Variants in PREP observed in about 807,000 individuals in gnomAD.
PREP encodes the protein dJ355L5.1 (prolyl endopeptidase).
PREP carries 29 observed loss-of-function variants against 87.6 expected under a neutral mutation model. The ratio of observed to expected loss-of-function variants is 0.33; its 90% CI spans 0.25 to 0.45. The LOEUF (loss-of-function observed/expected upper bound fraction) is 0.45, where lower values mean the gene tolerates loss of function less well. PREP is among the 20% of genes least tolerant of loss of function. The probability of loss-of-function intolerance (pLI) is 1.00; values close to 1 mark genes in which losing one functional copy is unlikely to be tolerated. For synonymous variants in PREP, 337 were observed against 328.6 expected, an observed-to-expected ratio of 1.03 and a Z score of -0.28; for missense variants, 695 against 886.5, an observed-to-expected ratio of 0.78 and a Z score of 2.74.
At chr6:105,295,698 A>G (rs918708468) in intron 10 of PREP, among the ~76,000 whole-genome samples, 1 of 152,170 alleles carries the variant, frequency 6.6e-6, no homozygotes, top group African/African-American at 2.4e-5. Context: ...TATATGTTCA[A>G]ATACACATAG....
intron 14 of PREP, chr6:105,280,836 T>C (rs1358806134): frequency 6.6e-6 from 1 of 152,354 alleles, no homozygotes; most frequent in African/African-American, 2.4e-5. Context: ...CCCAAAGTGC[T>C]GGGATCACAG....
intron 9 of PREP, among the ~76,000 whole-genome samples, chr6:105,324,809 A>T (rs1232154636): frequency 6.6e-6 from 1 of 152,326 alleles, no homozygotes; most frequent in South Asian, 2.1e-4. Flanking sequence ...CCCGACCGGA[A>T]AGGAGTAATA....
intron 6 of PREP, among the ~76,000 whole-genome samples, chr6:105,365,390 C>T (rs1772359858): frequency 6.6e-6 from 1 of 152,190 alleles, no homozygotes; most frequent in African/African-American, 2.4e-5. Context: ...GCTTCTTGGA[C>T]TCCCCTGGCT....
chr6:105,392,626 G>C (rs1310428072), intron 2 of PREP, among the ~76,000 whole-genome samples: 1 of 152,040 alleles, frequency 6.6e-6, no homozygotes, highest in Non-Finnish European at 1.5e-5. Context: ...ACCTAGGCTG[G>C]AGTACAGTGA....
intron 4 of PREP, among the ~76,000 whole-genome samples, chr6:105,375,677 A>G (rs1404604904): frequency 6.6e-6 from 1 of 152,252 alleles, no homozygotes; most frequent in Non-Finnish European, 1.5e-5. Context: ...CTAGATTTTT[A>G]AAACTCTAAT....
In PREP at chr6:105,275,049, T is replaced by C. The variant is rs1390209324; in HGVS notation, c.*3095A>G. On this transcript the variant is annotated 3_prime_UTR_variant, in exon 15 of 15. Transcript: ENST00000652536. ...CCTTCAGCCCCTGAGATATGGAGGA[T>C]GAGAATGGCTCAATGTTCCTCCTTC... is the stretch of plus-strand genomic sequence containing the variant. 6.6e-6 allele frequency among the ~76,000 whole-genome samples: 1 copy of C among 152,076 alleles called. No individual in the cohort carries two copies. The highest frequency in any genetic ancestry group is 1.5e-5 in the Non-Finnish European group (1 of 68,014).
intron 10 of PREP, among the ~76,000 whole-genome samples, chr6:105,301,829 A>T (rs1191043064): frequency 6.6e-6 from 1 of 152,150 alleles, no homozygotes; most frequent in Non-Finnish European, 1.5e-5. Context: ...GAAATTCACC[A>T]GCTCTCTAAG....
intron 2 of PREP, among the ~76,000 whole-genome samples, chr6:105,395,416 T>G (rs1018523918): frequency 6.6e-6 from 1 of 152,208 alleles, no homozygotes; most frequent in Non-Finnish European, 1.5e-5. Flanking sequence ...ACAACATATT[T>G]AATCACTCAG....
chr6:105,328,627 T>C (rs1771234945), intron 9 of PREP, among the ~76,000 whole-genome samples: 1 of 152,222 alleles, frequency 6.6e-6, no homozygotes, highest in African/African-American at 2.4e-5. Flanking sequence ...GAATATAAGA[T>C]TAATGAGAGT....
chr6:105,374,725 ATT>A (rs60151207), intron 4 of PREP, among the ~76,000 whole-genome samples: 35,037 of 140,858 alleles, frequency 0.25, 6,406 homozygotes, highest in African/African-American at 0.51. Context: ...TAAATAAAAC[ATT>A]TTGATTTGAA....
At chr6:105,334,815 C>A (rs565311061) in intron 7 of PREP, among the ~76,000 whole-genome samples, 49 of 152,288 alleles carry the variant, frequency 3.2e-4, no homozygotes, top group African/African-American at 1.2e-3. Flanking sequence ...TCACTGCAAC[C>A]TCCAACTCCT....
chr6:105,295,157 C>CTTTTT (rs10586996), intron 10 of PREP, among the ~76,000 whole-genome samples: 20 of 132,626 alleles, frequency 1.5e-4, no homozygotes, highest in African/African-American at 4.6e-4. Flanking sequence ...CAATGTTTTC[C>CTTTTT]TTTTTTTTTT....
chr6:105,375,909 C>G (rs189866171), intron 4 of PREP, among the ~76,000 whole-genome samples: 5 of 152,222 alleles, frequency 3.3e-5, no homozygotes, highest in African/African-American at 4.8e-5. Flanking sequence ...TTTTCCAGTT[C>G]TGCTTCATGC....
intron 2 of PREP, among the ~76,000 whole-genome samples, chr6:105,389,220 T>C (rs569196127): frequency 6.6e-6 from 1 of 152,366 alleles, no homozygotes; most frequent in Admixed American, 6.5e-5. Context: ...GATTTTTACA[T>C]ACATTTTCTC....
At chr6:105,373,678 G>C (rs1772616077) in intron 4 of PREP, 100 bp from the exon 5 acceptor site, 1 of 1,174,160 alleles carries the variant, frequency 8.5e-7, no homozygotes, top group African/African-American at 1.5e-5. Flanking sequence ...CACGGAGGTA[G>C]AATGTGGCAA....
At chr6:105,332,810 T>G (rs539900137) in intron 8 of PREP, among the ~76,000 whole-genome samples, 1 of 152,358 alleles carries the variant, frequency 6.6e-6, no homozygotes, top group African/African-American at 2.4e-5. Context: ...AAGAGGTTAA[T>G]GTAGTTCACT....
In PREP at chr6:105,278,723, T is replaced by C. The variant is rs1164485259; in HGVS notation, c.1839-285A>G. Among the ~76,000 whole-genome samples, 1 of 152,168 alleles carries C rather than the reference T, an allele frequency of 6.6e-6. No homozygotes were observed. The highest frequency in any genetic ancestry group is 2.4e-5 in the African/African-American group (1 of 41,448). The stretch of plus-strand genomic sequence containing the variant: ...CAGGCATGCTTACTGTCTCTTAAGG[T>C]GAGTAGTTTCATATTCTCTAGGCTT... On this transcript the variant is annotated intron_variant, in intron 14 of 14. Transcript: ENST00000652536. The surrounding 1 kb of genome is among the most constrained non-coding windows in gnomAD (Gnocchi z 4.2).
chr6:105,355,007 G>A (rs1278637252), intron 6 of PREP, among the ~76,000 whole-genome samples: 1 of 151,444 alleles, frequency 6.6e-6, no homozygotes, highest in Non-Finnish European at 1.5e-5. Context: ...CATAAATATG[G>A]AATTATGTAG....
In PREP at chr6:105,278,141, T is replaced by C. The variant is rs754468036; in HGVS notation, c.*3A>G. On this transcript the variant is annotated 3_prime_UTR_variant, in exon 15 of 15. Coordinates refer to ENST00000652536, the MANE Select transcript of PREP (RefSeq NM_002726.5). The surrounding 1 kb of genome is among the most constrained non-coding windows in gnomAD (Gnocchi z 4.2). ...CGCTGTCAGGAGGAAGCACGAAAAC[T>C]GTTTATGGAATCCAGTCGACGTTCA... 3 of 1,605,022 alleles carry C rather than the reference T, an allele frequency of 1.9e-6. No individual in the cohort carries two copies. The highest frequency in any genetic ancestry group is 4.5e-5 in the East Asian group (2 of 44,680).
Sources: gnomAD v4.1 joint callset for allele counts (sites outside exome capture counted in the v4.1 genomes callset) on GRCh38, gnomAD v4.1.1 for gene constraint, Gnocchi (gnomAD v3.1) non-coding constraint, MANE v1.5 for transcripts, NCBI Gene and HGNC (gene_info 2026-07-23, HGNC 2026-07-21) for gene names.